Variants in DLGAP1 observed in about 807,000 individuals in gnomAD.
The protein encoded by DLGAP1 is DLG associated protein 1.
In DLGAP1, 11 loss-of-function variants were observed where a neutral mutation model predicts 90.8. The ratio of observed to expected loss-of-function variants is 0.12; its 90% confidence interval spans 0.08 to 0.20. The LOEUF (loss-of-function observed/expected upper bound fraction) is 0.20, where lower values mean the gene tolerates loss of function less well. DLGAP1 is among the 10% of genes least tolerant of loss of function. The probability of loss-of-function intolerance (pLI) is 1.00; values close to 1 mark genes in which losing one functional copy is unlikely to be tolerated. For synonymous variants in DLGAP1, 558 were observed against 540.7 expected, an observed-to-expected ratio of 1.03 and a Z score of -0.44; for missense variants, 1,050 against 1,333.8, an observed-to-expected ratio of 0.79 and a Z score of 3.31.
rs150923744 is a variant in DLGAP1, at chr18:3,572,342, A to C, written c.1966-4761T>G. ...AGGCAAACAACACTGAATAAGCCTA[A>C]GAAAATATTCATCCTTACTTGACTT... On this transcript the variant is annotated intron_variant, in intron 8 of 12. Coordinates refer to ENST00000315677, the MANE Select transcript of DLGAP1 (RefSeq NM_004746.4). Among the ~76,000 whole-genome samples the C allele has an allele frequency of 2.6e-4, 39 of 151,828 alleles. No individual in the cohort carries two copies. The East Asian group carries it at 5.2e-3, about 20-fold the overall frequency.
intron 4 of DLGAP1, among the ~76,000 whole-genome samples, chr18:3,847,518 T>A (rs1313563460): frequency 2.0e-5 from 3 of 150,654 alleles, no homozygotes; most frequent in African/African-American, 7.3e-5. Flanking sequence ...AGGGGAGGAA[T>A]AAAAGAAGGA....
chr18:3,876,851 T>C (rs1018440484), intron 4 of DLGAP1, among the ~76,000 whole-genome samples: 8 of 152,252 alleles, frequency 5.3e-5, no homozygotes, highest in Non-Finnish European at 1.0e-4. Context: ...CTAAATCCCA[T>C]ACTTAAGCCT....
At chr18:4,328,931 A>G (rs1008512082) in intron 1 of DLGAP1, among the ~76,000 whole-genome samples, 2 of 152,010 alleles carry the variant, frequency 1.3e-5, no homozygotes, top group African/African-American at 4.8e-5. Context: ...TATATCTACT[A>G]GATATAAATT....
intron 2 of DLGAP1, among the ~76,000 whole-genome samples, chr18:4,116,943 A>AC (rs1223134202): frequency 5.9e-5 from 9 of 152,196 alleles, no homozygotes. Flanking sequence ...TCTCCCCAAA[A>AC]TTCACAGATT....
chr18:3,500,980 C>A (rs952416215), intron 12 of DLGAP1, among the ~76,000 whole-genome samples: 1 of 151,968 alleles, frequency 6.6e-6, no homozygotes, highest in Non-Finnish European at 1.5e-5. Flanking sequence ...GTGGCGCAAC[C>A]ACGGCTCACT....
At chr18:3,861,311 G>C (rs866381291) in intron 4 of DLGAP1, among the ~76,000 whole-genome samples, 4 of 152,032 alleles carry the variant, frequency 2.6e-5, no homozygotes, top group Admixed American at 6.5e-5. Flanking sequence ...TATTCTACAG[G>C]CTTTCCTAAT....
chr18:4,120,654 T>A (rs1022478502), intron 2 of DLGAP1, among the ~76,000 whole-genome samples: 6 of 151,474 alleles, frequency 4.0e-5, no homozygotes, highest in African/African-American at 1.2e-4. Flanking sequence ...CTTTTTCTTC[T>A]AAATTAAAAG....
At chr18:3,749,492 C>A (rs1460125152) in intron 5 of DLGAP1, among the ~76,000 whole-genome samples, 1 of 152,104 alleles carries the variant, frequency 6.6e-6, no homozygotes, top group East Asian at 1.9e-4. Flanking sequence ...AGCCTGGATT[C>A]TCATTTGGGT....
At chr18:3,728,286 T>C (rs1238748946) in intron 7 of DLGAP1, among the ~76,000 whole-genome samples, 1 of 142,908 alleles carries the variant, frequency 7.0e-6, no homozygotes, top group Admixed American at 7.3e-5. Flanking sequence ...GATTTTCTTT[T>C]TGGAACGCAA....
chr18:3,587,316 A>G lies in DLGAP1; in HGVS notation c.1592-5068T>C, dbSNP rs377712641. ...GTGATTCACCTGCCTCGGCCTCCCA[A>G]AGTGCTGGGATTACAGGCATGAGCC... On this transcript the variant is annotated intron_variant, in intron 7 of 12. Coordinates refer to ENST00000315677, the MANE Select transcript of DLGAP1 (RefSeq NM_004746.4). Among the ~76,000 whole-genome samples, 53 of 152,268 alleles carry G rather than the reference A, an allele frequency of 3.5e-4. 1 individual carries two copies. The South Asian group carries it at 0.011, about 31-fold the overall frequency.
At chr18:3,663,243 C>T (rs2059750733) in intron 7 of DLGAP1, among the ~76,000 whole-genome samples, 1 of 151,622 alleles carries the variant, frequency 6.6e-6, no homozygotes, top group African/African-American at 2.4e-5. Context: ...TGTACTTCAG[C>T]CTGGGCAAGG....
At chr18:4,234,034 G>C (rs1274029082) in intron 1 of DLGAP1, among the ~76,000 whole-genome samples, 1 of 151,074 alleles carries the variant, frequency 6.6e-6, no homozygotes, top group Non-Finnish European at 1.5e-5. Flanking sequence ...CAAAATTCCA[G>C]TCATCTATAA....
chr18:3,555,639 C>T (rs952478823), intron 9 of DLGAP1, among the ~76,000 whole-genome samples: 2 of 151,944 alleles, frequency 1.3e-5, no homozygotes, highest in African/African-American at 2.4e-5. Context: ...GGTGAAACCC[C>T]GTCTCTACTA....
At chr18:3,724,763 C>T (rs537312302) in intron 7 of DLGAP1, among the ~76,000 whole-genome samples, 5 of 151,826 alleles carry the variant, frequency 3.3e-5, no homozygotes, top group African/African-American at 4.8e-5. Flanking sequence ...ATTAGCCAGG[C>T]GTGGTGATGT....
intron 3 of DLGAP1, among the ~76,000 whole-genome samples, chr18:3,980,702 G>C (rs2149029603): frequency 6.6e-6 from 1 of 152,050 alleles, no homozygotes; most frequent in African/African-American, 2.4e-5. Flanking sequence ...GCTTATTACT[G>C]ACCATTTTTG....
intron 1 of DLGAP1, among the ~76,000 whole-genome samples, chr18:4,442,912 G>A (rs1409165215): frequency 6.6e-6 from 1 of 152,186 alleles, no homozygotes; most frequent in South Asian, 2.1e-4. Context: ...GCTCGGGGCT[G>A]AACTCAAAGC....
intron 1 of DLGAP1, among the ~76,000 whole-genome samples, chr18:4,165,075 T>C (rs2076910572): frequency 6.6e-6 from 1 of 152,128 alleles, no homozygotes; most frequent in South Asian, 2.1e-4. Context: ...TGAAAGAATA[T>C]TCAAGGAAAT....
At chr18:4,372,025 A>G (rs1465361274) in intron 1 of DLGAP1, among the ~76,000 whole-genome samples, 2 of 152,244 alleles carry the variant, frequency 1.3e-5, no homozygotes. Flanking sequence ...ACTACAGCAC[A>G]TGCTTCTATC....
At chr18:3,862,032 A>G (rs1392344840) in intron 4 of DLGAP1, among the ~76,000 whole-genome samples, 1 of 152,212 alleles carries the variant, frequency 6.6e-6, no homozygotes, top group East Asian at 1.9e-4. Context: ...TCATTTTTCA[A>G]TGTGCATTGG....
Sources: allele counts gnomAD v4.1 joint callset (sites outside exome capture counted in the v4.1 genomes callset), GRCh38; gene constraint gnomAD v4.1.1; transcripts MANE v1.5; gene names NCBI Gene and HGNC (gene_info 2026-07-23, HGNC 2026-07-21).